The following LRIG3 variants were observed in gnomAD, a reference collection of about 807,000 sequenced individuals.
LRIG3 encodes leucine-rich repeats and immunoglobulin-like domains protein 3.
Under a neutral mutation model 114.5 loss-of-function variants are expected in LRIG3, and 76 were observed. That is an observed-to-expected ratio of 0.66 (90% confidence interval 0.55 to 0.80). LRIG3 has a LOEUF of 0.80. Among genes scored for constraint, LRIG3 ranks in the 30% least tolerant of loss-of-function variants. The pLI, the probability that LRIG3 is intolerant of heterozygous loss-of-function variation, is 0.00. For missense variants in LRIG3, 1,239 were observed against 1,382.8 expected (o/e 0.90, Z 1.65); for synonymous variants, 512 against 519.8 (o/e 0.98, Z 0.20).
At chr12:58,880,051 C>T (rs1871067030) in intron 13 of LRIG3, among the ~76,000 whole-genome samples, 1 of 152,132 alleles carries the variant, frequency 6.6e-6, no homozygotes, top group African/African-American at 2.4e-5. Context: ...CCAGCCAGCA[C>T]TTTGTGAGGC....
At chr12:58,914,117 A>G in intron 2 of LRIG3, 61 bp from the exon 3 acceptor site, 1 of 1,559,178 alleles carries the variant, frequency 6.4e-7, no homozygotes, top group Non-Finnish European at 8.7e-7. Context: ...TAATTCACAG[A>G]GGTGAAAACT....
chr12:58,907,993 T>G (rs1333181671), intron 3 of LRIG3, among the ~76,000 whole-genome samples: 1 of 152,216 alleles, frequency 6.6e-6, no homozygotes, highest in East Asian at 1.9e-4. Flanking sequence ...TCGCCATCCT[T>G]GGGATTCTAC....
At chr12:58,914,434 A>C (rs1377825013) in intron 1 of LRIG3, 98 bp from the exon 2 acceptor site, 2 of 906,038 alleles carry the variant, frequency 2.2e-6, no homozygotes, top group Non-Finnish European at 3.5e-6. Context: ...CAGTGAGAGC[A>C]GGAGAAATAA....
rs1871348285 is a variant in LRIG3, at chr12:58,888,467, A to G, written c.809T>C (p.Leu270Pro). Residue 270 changes from leucine (L) to proline (P), a missense_variant, in exon 7 of 19, where the codon CTG (leucine) becomes CCG (proline). Leu to Pro is a moderately conservative substitution (Grantham distance 98, BLOSUM62 -3). Coordinates refer to ENST00000320743, the MANE Select transcript of LRIG3 (RefSeq NM_153377.5). ...WGLSNMEILQ[L>P]DHNNLTEITK... ...AATCTCTGTTAGGTTGTTATGGTCCAGCTGCCTACATTTACAGTAAGAATC... is the reference window on the plus strand; with the variant it reads ...AATCTCTGTTAGGTTGTTATGGTCCGGCTGCCTACATTTACAGTAAGAATC... 6.2e-7 allele frequency: 1 copy of G among 1,612,904 alleles called. No individual in the cohort carries two copies. Among genetic ancestry groups the G allele is most frequent in the Non-Finnish European group, 8.5e-7 (1 of 1,179,160 alleles).
In LRIG3 at chr12:58,874,045, A is replaced by G; in HGVS notation, c.3115+10T>C. ...CTCAGACGAGGTACCTGATAACTTA[A>G]TAAACTTACCCATGAAAGAATTACT... On this transcript the variant is annotated intron_variant, in intron 18 of 18. Transcript: ENST00000320743. 1 of 1,614,070 alleles carries G rather than the reference A, an allele frequency of 6.2e-7. No homozygotes were observed. The highest frequency in any genetic ancestry group is 1.1e-5 in the South Asian group (1 of 91,070).
rs559481802 is a variant in LRIG3 at position 58,916,816 on chromosome 12, G to A, written c.237-2480C>T. The stretch of plus-strand genomic sequence containing the variant: ...TCTCTCTTCCTGAATATTAGCAAAT[G>A]AATAAATATATATGAAAATAATCAA... On this transcript the variant is annotated intron_variant, in intron 1 of 18. Coordinates refer to ENST00000320743, the MANE Select transcript of LRIG3 (RefSeq NM_153377.5). 5.9e-5 allele frequency among the ~76,000 whole-genome samples: 9 copies of A among 152,264 alleles called. No homozygotes were observed. The East Asian group carries it at 1.5e-3, about 26-fold the overall frequency.
intron 3 of LRIG3, among the ~76,000 whole-genome samples, chr12:58,910,337 C>T (rs1280065870): frequency 6.6e-6 from 1 of 152,202 alleles, no homozygotes; most frequent in South Asian, 2.1e-4. Context: ...TGGCAGGGCG[C>T]GGTGGCTCAC....
rs1044799609 is a variant in LRIG3, at chr12:58,872,510, C to T, written c.*62G>A. On this transcript the variant is annotated 3_prime_UTR_variant, in exon 19 of 19. Coordinates refer to ENST00000320743, the MANE Select transcript of LRIG3 (RefSeq NM_153377.5). Reference sequence around the variant, plus strand: ...CCATTTAAAAAACATAAGATTCTCTCTCTTTTAAATAAAAGTTCACTTGAG... The same window carrying T: ...CCATTTAAAAAACATAAGATTCTCTTTCTTTTAAATAAAAGTTCACTTGAG... 2.7e-6 allele frequency: 4 copies of T among 1,458,180 alleles called. No homozygotes were observed. Among genetic ancestry groups the T allele is most frequent in the Non-Finnish European group, 3.6e-6 (4 of 1,096,524 alleles). 90.3% of individuals were successfully genotyped at this position (1,458,180 alleles called of 1,614,324 possible).
At chr12:58,890,865 C>T (rs1222360389) in intron 3 of LRIG3, 69 bp from the exon 4 acceptor site, 1 of 1,464,492 alleles carries the variant, frequency 6.8e-7, no homozygotes, top group East Asian at 2.5e-5. Context: ...AAAATATTTT[C>T]TATTCCTGAC....
rs1489756839 is a variant in LRIG3, at chr12:58,877,632, C to T, written c.2304G>A (p.Glu768=). The change falls in exon 15 of 19, where the codon GAG becomes GAA. Residue 768 remains glutamate, a synonymous_variant. Transcript: ENST00000320743. The part of the protein sequence containing the change: ...DVSDAGKYTC[E]MSNTLGTERG... Reference sequence around the variant, plus strand: ...TCTCAGTGCCAAGGGTGTTAGACATCTCACATGTGTATTTCCCAGCATCAC... The same window carrying T: ...TCTCAGTGCCAAGGGTGTTAGACATTTCACATGTGTATTTCCCAGCATCAC... The T allele has an allele frequency of 6.2e-7, 1 of 1,614,220 alleles. No homozygotes were observed. Among genetic ancestry groups the T allele is most frequent in the Non-Finnish European group, 8.5e-7 (1 of 1,180,046 alleles).
intron 3 of LRIG3, 78 bp from the exon 4 acceptor site, chr12:58,890,874 A>C (rs1871435322): frequency 2.8e-6 from 4 of 1,436,106 alleles, no homozygotes; most frequent in Non-Finnish European, 3.7e-6. Flanking sequence ...TCTATTCCTG[A>C]CTGGTTCTTC....
intron 3 of LRIG3, among the ~76,000 whole-genome samples, chr12:58,898,158 A>G (rs1871710337): frequency 6.6e-6 from 1 of 152,248 alleles, no homozygotes; most frequent in Non-Finnish European, 1.5e-5. Flanking sequence ...GTGATACTCT[A>G]TATTAATCAA....
chr12:58,876,667 G>C (rs374330537), intron 15 of LRIG3, 64 bp from the exon 16 acceptor site: 7 of 1,556,336 alleles, frequency 4.5e-6, no homozygotes, highest in Non-Finnish European at 6.2e-6. Context: ...CAGGCATCCC[G>C]GGTGAATGGC....
intron 3 of LRIG3, among the ~76,000 whole-genome samples, chr12:58,901,808 A>T (rs1431719873): frequency 6.6e-6 from 1 of 152,172 alleles, no homozygotes; most frequent in African/African-American, 2.4e-5. Context: ...GTATAACAAG[A>T]CCTAGCAATT....
intron 10 of LRIG3, among the ~76,000 whole-genome samples, chr12:58,883,848 T>C (rs1192600262): frequency 6.6e-6 from 1 of 152,212 alleles, no homozygotes; most frequent in Non-Finnish European, 1.5e-5. Context: ...ATTTGACTCA[T>C]TAGGGCCCAT....
intron 6 of LRIG3, 25 bp downstream of exon 6, chr12:58,888,794 A>G (rs756189669): frequency 6.2e-7 from 1 of 1,611,736 alleles, no homozygotes; most frequent in Admixed American, 1.7e-5. Context: ...CTACCTCAGT[A>G]GGAACTGTGA....
chr12:58,873,052 T>C (rs979106847), intron 18 of LRIG3, among the ~76,000 whole-genome samples: 2 of 152,222 alleles, frequency 1.3e-5, no homozygotes, highest in African/African-American at 4.8e-5. Flanking sequence ...ATGCATCTAT[T>C]CTTTATCATT....
intron 12 of LRIG3, 151 bp downstream of exon 12, chr12:58,882,718 A>T: frequency 2.7e-6 from 2 of 737,816 alleles, no homozygotes; most frequent in South Asian, 7.7e-5. Context: ...AAATTAAAAT[A>T]ATCAGCAAAC....
intron 3 of LRIG3, among the ~76,000 whole-genome samples, chr12:58,910,401 A>G (rs1257348976): frequency 5.3e-5 from 8 of 152,086 alleles, no homozygotes; most frequent in Non-Finnish European, 1.2e-4. Flanking sequence ...TGAGGTCAGG[A>G]GATCGAGACC....
Sources: allele counts gnomAD v4.1 joint callset (sites outside exome capture counted in the v4.1 genomes callset), GRCh38; gene constraint gnomAD v4.1.1; transcripts MANE v1.5; gene names NCBI Gene and HGNC (gene_info 2026-07-23, HGNC 2026-07-21).